UBE2U: variants seen among roughly 807,000 people sequenced by gnomAD.
UBE2U encodes ubiquitin conjugating enzyme E2 U, also known as ubiquitin-conjugating enzyme E2 U.
UBE2U carries 39 observed loss-of-function variants against 41.2 expected under a neutral mutation model. The observed-to-expected ratio is 0.95, with a 90% CI of 0.73 to 1.24. The LOEUF (loss-of-function observed/expected upper bound fraction) is 1.24. Among genes scored for constraint, UBE2U ranks in the 50% most tolerant of loss-of-function variants. The pLI is 0.00. For synonymous variants in UBE2U, 107 were observed against 117.8 expected, an observed-to-expected ratio of 0.91 and a Z score of 0.60; for missense variants, 336 against 363.1, an observed-to-expected ratio of 0.93 and a Z score of 0.61.
intron 7 of UBE2U, among the ~76,000 whole-genome samples, chr1:64,239,157 A>AAGAAGAAAG: frequency 5.4e-5 from 2 of 37,060 alleles, no homozygotes; most frequent in South Asian, 1.4e-3. Context: ...GAAGAAGAAG[A>AAGAAGAAAG]AAGAAGAAGA....
chr1:64,242,947 T>C (rs1175101949), intron 8 of UBE2U, among the ~76,000 whole-genome samples: 1 of 152,180 alleles, frequency 6.6e-6, no homozygotes, highest in Non-Finnish European at 1.5e-5. Context: ...TTTTATTTGT[T>C]TGATCATCGA....
intron 8 of UBE2U, among the ~76,000 whole-genome samples, chr1:64,251,612 C>T (rs825168): frequency 0.012 from 1,831 of 152,172 alleles, 27 homozygotes; most frequent in African/African-American, 0.042. Context: ...AGCAGCATGA[C>T]GCCAACAAAA....
chr1:64,258,317 A>G (rs964893144), intron 8 of UBE2U, among the ~76,000 whole-genome samples: 1 of 152,242 alleles, frequency 6.6e-6, no homozygotes, highest in East Asian at 1.9e-4. Flanking sequence ...CTTGTGTGAC[A>G]AAAACGTTTC....
intron 7 of UBE2U, among the ~76,000 whole-genome samples, chr1:64,233,595 T>G (rs1201991086): frequency 6.6e-6 from 1 of 152,132 alleles, no homozygotes; most frequent in East Asian, 1.9e-4. Flanking sequence ...CAAGAAATAT[T>G]AGGTAGAAAT....
intron 8 of UBE2U, among the ~76,000 whole-genome samples, chr1:64,242,356 T>C (rs1413266240): frequency 1.3e-5 from 2 of 152,158 alleles, no homozygotes; most frequent in Non-Finnish European, 2.9e-5. Flanking sequence ...TTCTGTGGTA[T>C]TGGCTGTGTT....
At chr1:64,247,223 TTCTC>T (rs1416819360) in intron 8 of UBE2U, among the ~76,000 whole-genome samples, 1 of 152,172 alleles carries the variant, frequency 6.6e-6, no homozygotes, top group East Asian at 1.9e-4. Flanking sequence ...TTCCATCAAT[TTCTC>T]TCTCCAATGT....
At chr1:64,242,055 CT>C (rs35114429) in intron 8 of UBE2U, among the ~76,000 whole-genome samples, 34,503 of 151,294 alleles carry the variant, frequency 0.23, 4,109 homozygotes, top group Middle Eastern at 0.35. Flanking sequence ...TTAGAAATAG[CT>C]TTTTTTTTAA....
rs564852980 is a variant in UBE2U at position 64,205,716 on chromosome 1, G to A, written c.144G>A (p.Trp48Ter). The change falls in exon 2 of 10, where the codon TGG becomes TGA. Residue 48 changes from tryptophan (W) to a stop codon, truncating the protein, a stop_gained. Transcript: ENST00000371077. LOFTEE classifies it high-confidence loss of function. ...VEIEGLQNSVWQGLVFQLTIH... is the reference protein window; with the variant it reads ...VEIEGLQNSV Reference sequence around the variant, plus strand: ...TTGAAGGTCTACAGAATTCAGTTTGGCAGGGTTTGTATTTTCAAAACCAAT... The same window carrying A: ...TTGAAGGTCTACAGAATTCAGTTTGACAGGGTTTGTATTTTCAAAACCAAT... 6.2e-7 allele frequency: 1 copy of A among 1,612,068 alleles called. No individual in the cohort carries two copies. Among genetic ancestry groups the A allele is most frequent in the South Asian group, 1.1e-5 (1 of 90,732 alleles).
At chr1:64,241,819 G>C in intron 8 of UBE2U, 86 bp downstream of exon 8, 2 of 988,354 alleles carry the variant, frequency 2.0e-6, no homozygotes, top group East Asian at 5.0e-5. Context: ...GGAAATAACA[G>C]AAGAAACCCT....
At chr1:64,220,747 C>T in intron 5 of UBE2U, 112 bp from the exon 6 acceptor site, 1 of 846,186 alleles carries the variant, frequency 1.2e-6, no homozygotes, top group Non-Finnish European at 1.9e-6. Flanking sequence ...GATTTTATAT[C>T]TTATTTTTAT....
intron 7 of UBE2U, among the ~76,000 whole-genome samples, chr1:64,239,166 G>GAAGAAAGAA: frequency 2.4e-5 from 2 of 84,734 alleles, no homozygotes; most frequent in East Asian, 1.0e-3. Context: ...GAAAGAAGAA[G>GAAGAAAGAA]AAGAAGAAGA....
chr1:64,231,523 C>T (rs1171968528), intron 6 of UBE2U, among the ~76,000 whole-genome samples: 2 of 152,208 alleles, frequency 1.3e-5, no homozygotes, highest in African/African-American at 4.8e-5. Flanking sequence ...AATTTATCTT[C>T]CTCAAGTTTC....
chr1:64,239,702 C>G lies in UBE2U; in HGVS notation c.596-1950C>G, dbSNP rs184724556. The stretch of plus-strand genomic sequence containing the variant: ...GTCCCTACAAAGTACATGAACTCAT[C>G]ATTTTTTATGGCTGCATAGTATTCC... On this transcript the variant is annotated intron_variant, in intron 7 of 9. Transcript: ENST00000371077. Among the ~76,000 whole-genome samples, 135 of 152,202 alleles carry G rather than the reference C, an allele frequency of 8.9e-4. 1 individual carries two copies. The highest frequency in any genetic ancestry group is 8.2e-3 in the Admixed American group (125 of 15,286).
At chr1:64,238,999 G>T (rs546504954) in intron 7 of UBE2U, among the ~76,000 whole-genome samples, 3 of 150,400 alleles carry the variant, frequency 2.0e-5, no homozygotes, top group African/African-American at 7.4e-5. Context: ...CGATGATCAT[G>T]CCACTGCACT....
At chr1:64,215,040 C>T in intron 5 of UBE2U, 108 bp downstream of exon 5, 2 of 746,500 alleles carry the variant, frequency 2.7e-6, no homozygotes, top group Non-Finnish European at 4.6e-6. Flanking sequence ...CGAGACCAGC[C>T]TGACCAACAT....
At chr1:64,261,536 G>A (rs1645180578) in intron 9 of UBE2U, among the ~76,000 whole-genome samples, 1 of 152,138 alleles carries the variant, frequency 6.6e-6, no homozygotes, top group African/African-American at 2.4e-5. Flanking sequence ...CAAGGGCCCT[G>A]CCCCCGTATC....
chr1:64,206,861 G>A lies in UBE2U; in HGVS notation c.241+5G>A. ...CAATTCCGTTTCATCCAAATGGTAA[G>A]AACTAAATGACATTTTTATCATTAG... On this transcript the variant is annotated splice_donor_5th_base_variant and intron_variant, in intron 3 of 9. Transcript: ENST00000371077. The A allele has an allele frequency of 6.6e-7, 1 of 1,517,406 alleles. No homozygotes were observed. Among genetic ancestry groups the A allele is most frequent in the Non-Finnish European group, 9.1e-7 (1 of 1,097,476 alleles). 94.0% of individuals were successfully genotyped at this position (1,517,406 alleles called of 1,614,324 possible).
At chr1:64,213,108 G>A (rs1419011831) in intron 4 of UBE2U, among the ~76,000 whole-genome samples, 1 of 151,948 alleles carries the variant, frequency 6.6e-6, no homozygotes, top group African/African-American at 2.4e-5. Context: ...TCTTTCAGTG[G>A]ATCCCACCTT....
intron 8 of UBE2U, among the ~76,000 whole-genome samples, chr1:64,259,383 A>C (rs1041886244): frequency 1.3e-5 from 2 of 152,088 alleles, no homozygotes; most frequent in African/African-American, 4.8e-5. Flanking sequence ...TGTTTTAGTC[A>C]TGAAGTCCTT....
Sources: allele counts gnomAD v4.1 joint callset (sites outside exome capture counted in the v4.1 genomes callset), GRCh38; gene constraint gnomAD v4.1.1; transcripts MANE v1.5; gene names NCBI Gene and HGNC (gene_info 2026-07-23, HGNC 2026-07-21).